TANK: variants seen among roughly 807,000 people sequenced by gnomAD.
TANK encodes the protein TRAF family member-associated NF-kappa-B activator.
In TANK, 15 loss-of-function variants were observed where a neutral mutation model predicts 43.6. The observed-to-expected ratio is 0.34, with a 90% CI of 0.23 to 0.53. The LOEUF (loss-of-function observed/expected upper bound fraction) is 0.53. Ranked by LOEUF, TANK falls within the 20% of genes least tolerant of loss-of-function variation. TANK has a pLI of 0.94. For missense variants in TANK, 417 were observed against 498.6 expected (o/e 0.84, Z 1.56); for synonymous variants, 162 against 178.2 (o/e 0.91, Z 0.73).
At chr2:161,204,620 GT>G in intron 3 of TANK, 54 bp from the exon 4 acceptor site, 1 of 1,536,648 alleles carries the variant, frequency 6.5e-7, no homozygotes, top group Non-Finnish European at 8.8e-7. Flanking sequence ...GCTTTTTCAG[GT>G]GGTACCAAAA....
chr2:161,223,607 G>C (rs2105384273), intron 4 of TANK: 1 of 191,664 alleles, frequency 5.2e-6, no homozygotes, highest in East Asian at 1.3e-4. Flanking sequence ...TTGGTGAACA[G>C]AGCAGCAATT....
upstream of TANK, chr2:161,160,406 A>C: frequency 8.1e-7 from 1 of 1,241,280 alleles, no homozygotes; most frequent in East Asian, 3.1e-5. Flanking sequence ...ACTGGAACAA[A>C]ATGCAACTTC....
chr2:161,232,830 G>A (rs1687987082), intron 7 of TANK: 2 of 1,550,326 alleles, frequency 1.3e-6, no homozygotes, highest in African/African-American at 1.4e-5. Context: ...ACAACTTGAT[G>A]GAAAAGTATT....
At chr2:161,177,927 C>T (rs1685240844) in intron 1 of TANK, among the ~76,000 whole-genome samples, 1 of 152,056 alleles carries the variant, frequency 6.6e-6, no homozygotes, top group Non-Finnish European at 1.5e-5. Flanking sequence ...TGGAAAGATG[C>T]TCGTCATTAG....
intron 4 of TANK, chr2:161,222,864 G>GA (rs990022550): frequency 1.1e-4 from 16 of 151,746 alleles, no homozygotes; most frequent in Admixed American, 5.9e-4. Context: ...TATTTATTTA[G>GA]AAAAAACTGG....
At chr2:161,144,584 G>A (rs1683850130) in intron 1 of TANK, among the ~76,000 whole-genome samples, 1 of 152,130 alleles carries the variant, frequency 6.6e-6, no homozygotes, top group African/African-American at 2.4e-5. Flanking sequence ...GGAGCACATT[G>A]TTCAATTTCC....
At chr2:161,208,788 TGAGA>T (rs1380997548) in intron 4 of TANK, among the ~76,000 whole-genome samples, 1 of 152,186 alleles carries the variant, frequency 6.6e-6, no homozygotes, top group African/African-American at 2.4e-5. Flanking sequence ...GTAAGGGATC[TGAGA>T]GAGAGAAAGG....
chr2:161,139,641 C>G, intron 1 of TANK: 1 of 958,714 alleles, frequency 1.0e-6, no homozygotes, highest in Non-Finnish European at 1.2e-6. Flanking sequence ...AATAAACCAA[C>G]CAAACCTACA....
upstream of TANK, among the ~76,000 whole-genome samples, chr2:161,159,508 T>TA (rs1313287681): frequency 6.6e-6 from 1 of 152,240 alleles, no homozygotes; most frequent in Non-Finnish European, 1.5e-5. Context: ...TTCTGTTTGT[T>TA]AAAAACATTG....
Position 161,194,929 on chromosome 2 carries a change from TA to T in TANK, c.100-8556del, listed in dbSNP as rs1005844356. ...AGCAGTTCATTCTGGTTTTTTTTCC[TA>T]ATGAAGCTACTGGTATTAGAATAAA... is the stretch of plus-strand genomic sequence containing the variant. On this transcript the variant is annotated intron_variant, in intron 2 of 7. Transcript: ENST00000392749. Among the ~76,000 whole-genome samples, 128 of 152,324 alleles carry T rather than the reference TA, an allele frequency of 8.4e-4. 2 individuals are homozygous for T. The highest frequency in any genetic ancestry group is 2.9e-4 in the Non-Finnish European group (20 of 68,034).
Position 161,231,424 on chromosome 2 carries a change from G to C in TANK, c.974G>C (p.Arg325Thr). The C allele has an allele frequency of 1.2e-6, 2 of 1,614,188 alleles. No individual in the cohort carries two copies. Among genetic ancestry groups the C allele is most frequent in the Non-Finnish European group, 1.7e-6 (2 of 1,180,030 alleles). The change falls in exon 7 of 8, where the codon AGA (arginine) becomes ACA (threonine). Residue 325 changes from arginine to threonine, a missense_variant. Transcript: ENST00000392749. ...ACTTGTATCAGGACAACTCTGGATAGAGCTGCGTGTTTGCCACCTGGAGAC... is the reference window on the plus strand; with the variant it reads ...ACTTGTATCAGGACAACTCTGGATACAGCTGCGTGTTTGCCACCTGGAGAC... The part of the protein sequence containing the change: ...VNTCIRTTLD[R>T]AACLPPGDHN...
chr2:161,203,084 G>A, intron 2 of TANK: 1 of 229,432 alleles, frequency 4.4e-6, no homozygotes, highest in South Asian at 4.8e-5. Flanking sequence ...TTATTTGAAA[G>A]ACACAAAATC....
intron 5 of TANK, 79 bp downstream of exon 5, chr2:161,224,070 T>G (rs1051379782): frequency 7.1e-6 from 7 of 985,606 alleles, no homozygotes; most frequent in Non-Finnish European, 1.0e-5. Context: ...TTTTTAAGCT[T>G]TAACAATTGC....
At chr2:161,148,189 A>T (rs1188205870) in intron 1 of TANK, among the ~76,000 whole-genome samples, 3 of 152,042 alleles carry the variant, frequency 2.0e-5, no homozygotes, top group Admixed American at 2.0e-4. Flanking sequence ...CACACTTGTT[A>T]TTTTCTATTT....
intron 1 of TANK, among the ~76,000 whole-genome samples, chr2:161,166,926 T>C (rs1199198488): frequency 6.6e-6 from 1 of 152,254 alleles, no homozygotes; most frequent in Non-Finnish European, 1.5e-5. Flanking sequence ...CCCAAGGGGT[T>C]GGGAAAGGCT....
At chr2:161,227,991 T>C (rs2105397282) in intron 6 of TANK, among the ~76,000 whole-genome samples, 1 of 152,264 alleles carries the variant, frequency 6.6e-6, no homozygotes, top group African/African-American at 2.4e-5. Flanking sequence ...ATTATTATAG[T>C]AGGCTTTGTA....
In TANK at chr2:161,204,542, A is replaced by G. The variant is rs1686560845; in HGVS notation, c.209-133A>G. ...CAACTTGTCAAAGTAACTATTACCT[A>G]AAGAATTTTCTAAAACTCCTACCTT... On this transcript the variant is annotated intron_variant, in intron 3 of 7. Coordinates refer to ENST00000392749, the MANE Select transcript of TANK (RefSeq NM_001199135.3). The G allele has an allele frequency of 7.6e-6, 6 of 791,202 alleles. No individual in the cohort carries two copies. In the Middle Eastern group the frequency reaches 1.6e-3, roughly 205 times the overall value. The allele number at this position is 791,202 out of a possible 1,614,324, so 49.0% of individuals were successfully genotyped here.
At chr2:161,190,927 A>C (rs1487371747) in intron 2 of TANK, among the ~76,000 whole-genome samples, 1 of 152,096 alleles carries the variant, frequency 6.6e-6, no homozygotes, top group East Asian at 1.9e-4. Context: ...TATATATTTT[A>C]CCATATTTTT....
rs187234325 is a variant in TANK at position 161,218,720 on chromosome 2, A to G, written c.328-5195A>G. ...TAAGTAATACATGCAAATTGCTTAA[A>G]TAATAGCTATTTTCAAGAAGATAGC... On this transcript the variant is annotated intron_variant, in intron 4 of 7. Transcript: ENST00000392749. Among the ~76,000 whole-genome samples, 3 of 152,336 alleles carry G rather than the reference A, an allele frequency of 2.0e-5. No homozygotes were observed. In the East Asian group the frequency reaches 5.8e-4, roughly 29 times the overall value.
Sources: allele counts gnomAD v4.1 joint callset (sites outside exome capture counted in the v4.1 genomes callset), GRCh38; gene constraint gnomAD v4.1.1; transcripts MANE v1.5; gene names NCBI Gene and HGNC (gene_info 2026-07-23, HGNC 2026-07-21).